The following ANKRD17 variants were observed in gnomAD, a reference collection of about 807,000 sequenced individuals.
The protein encoded by ANKRD17 is ankyrin repeat domain 17.
ANKRD17 carries 19 observed loss-of-function variants against 229.7 expected under a neutral mutation model. The observed-to-expected ratio is 0.08, with a 90% CI of 0.06 to 0.12. The LOEUF (loss-of-function observed/expected upper bound fraction) is 0.12, where lower values mean the gene tolerates loss of function less well. Among genes scored for constraint, ANKRD17 ranks in the 10% least tolerant of loss-of-function variants. The probability of loss-of-function intolerance (pLI) is 1.00; values close to 1 mark genes in which losing one functional copy is unlikely to be tolerated. For missense variants in ANKRD17, 2,176 were observed against 3,176.8 expected (o/e 0.68, Z 7.57); for synonymous variants, 1,112 against 1,146.1 (o/e 0.97, Z 0.60).
At chr4:73,121,911 G>T in intron 18 of ANKRD17, 152 bp from the exon 19 acceptor site, 1 of 706,006 alleles carries the variant, frequency 1.4e-6, no homozygotes, top group South Asian at 3.2e-5. Context: ...TCTAATGATA[G>T]CAGGAGGTCT....
chr4:73,073,446 G>A lies in ANKRD17; in HGVS notation c.*2785C>T, dbSNP rs1349655708. ...TTATAACTTTGAGTTTTCCTGTTTA[G>A]TCTAACACTGTACTGTTTTAAAAAT... On this transcript the variant is annotated 3_prime_UTR_variant, in exon 34 of 34. Coordinates refer to ENST00000358602, the MANE Select transcript of ANKRD17 (RefSeq NM_032217.5). 2.0e-5 allele frequency: 3 copies of A among 152,000 alleles called. No homozygotes were observed. Among genetic ancestry groups the A allele is most frequent in the Non-Finnish European group, 4.4e-5 (3 of 67,928 alleles). The allele number at this position is 152,000 out of a possible 1,614,324, so 9.4% of individuals were successfully genotyped here. A position where few individuals can be genotyped will look rare whatever the true frequency, so the allele number is the denominator to read the frequency against.
At chr4:73,250,225 A>G (rs1485741906) in intron 1 of ANKRD17, among the ~76,000 whole-genome samples, 2 of 152,146 alleles carry the variant, frequency 1.3e-5, no homozygotes, top group Admixed American at 1.3e-4. Context: ...TTTTCAATTT[A>G]TTCCCAATAA....
chr4:73,097,035 T>G (rs573811573), intron 27 of ANKRD17, 82 bp downstream of exon 27: 5 of 1,463,600 alleles, frequency 3.4e-6, no homozygotes, highest in Middle Eastern at 1.8e-4. Flanking sequence ...TTTAGAAGAG[T>G]AGGAGGAATT....
intron 29 of ANKRD17, among the ~76,000 whole-genome samples, chr4:73,088,009 GGA>G (rs1722380837): frequency 6.6e-6 from 1 of 151,786 alleles, no homozygotes; most frequent in Non-Finnish European, 1.5e-5. Flanking sequence ...GGGGAGTGAG[GGA>G]GAGAGTTTGA....
At chr4:73,078,342 A>G (rs1465299791) in intron 31 of ANKRD17, among the ~76,000 whole-genome samples, 1 of 151,916 alleles carries the variant, frequency 6.6e-6, no homozygotes, top group Non-Finnish European at 1.5e-5. Flanking sequence ...GTGCCGCTGC[A>G]GTCCGGCCTG....
chr4:73,114,592 T>C (rs747843969), intron 23 of ANKRD17, among the ~76,000 whole-genome samples: 6 of 152,014 alleles, frequency 3.9e-5, no homozygotes, highest in Non-Finnish European at 8.8e-5. Flanking sequence ...CCCAAGTACA[T>C]GAGACTAATG....
intron 26 of ANKRD17, among the ~76,000 whole-genome samples, chr4:73,097,653 GGTGTT>G (rs768369154): frequency 5.9e-5 from 9 of 151,954 alleles, no homozygotes; most frequent in Non-Finnish European, 8.8e-5. Flanking sequence ...TGTCCAGGCT[GGTGTT>G]GAACTCCTGG....
rs113785427 is a variant in ANKRD17 at position 73,091,173 on chromosome 4, G to A, written c.6455C>T (p.Thr2152Ile). The A allele has an allele frequency of 1.2e-6, 2 of 1,614,202 alleles. No homozygotes were observed. The highest frequency in any genetic ancestry group is 2.2e-5 in the South Asian group (2 of 91,086). Residue 2152 changes from threonine (T) to isoleucine (I), a missense_variant, in exon 29 of 34, where the codon ACT (threonine) becomes ATT (isoleucine). Coordinates refer to ENST00000358602, the MANE Select transcript of ANKRD17 (RefSeq NM_032217.5). ...TSSAPVAVPS[T>I]APVTYPMPQT... The stretch of plus-strand genomic sequence containing the variant: ...AGGCATAGGGTAAGTCACTGGGGCA[G>A]TAGAAGGCACCGCCACTGGAGCAGA...
chr4:73,108,010 A>G (rs1162662539), intron 24 of ANKRD17, among the ~76,000 whole-genome samples: 1 of 152,158 alleles, frequency 6.6e-6, no homozygotes, highest in African/African-American at 2.4e-5. Context: ...TTATATATCT[A>G]TATTTTGAGA....
intron 10 of ANKRD17, among the ~76,000 whole-genome samples, chr4:73,145,873 A>C (rs1730210340): frequency 6.6e-6 from 1 of 152,190 alleles, no homozygotes; most frequent in Admixed American, 6.6e-5. Flanking sequence ...ATTATAAATT[A>C]TTAAGTTTAT....
Position 73,258,697 on chromosome 4 carries a change from G to T in ANKRD17, c.-29C>A, listed in dbSNP as rs1006049853. ...CAGGGAAAGAGGGAGGGCGCGGACGGGGGAGGGGCGTGGGGCTACGCTCTA... is the reference window on the plus strand; with the variant it reads ...CAGGGAAAGAGGGAGGGCGCGGACGTGGGAGGGGCGTGGGGCTACGCTCTA... On this transcript the variant is annotated 5_prime_UTR_variant, in exon 1 of 34. Transcript: ENST00000358602. The T allele has an allele frequency of 5.9e-5, 84 of 1,434,836 alleles. No homozygotes were observed. In the East Asian group the frequency reaches 2.3e-3, roughly 40 times the overall value. The allele number at this position is 1,434,836 out of a possible 1,614,324, so 88.9% of individuals were successfully genotyped here.
At chr4:73,175,437 G>A (rs917654350) in intron 2 of ANKRD17, among the ~76,000 whole-genome samples, 5 of 152,090 alleles carry the variant, frequency 3.3e-5, no homozygotes, top group African/African-American at 1.2e-4. Context: ...GGGACACAGA[G>A]CCAAACCATA....
chr4:73,133,930 T>C (rs1728573452), intron 16 of ANKRD17, among the ~76,000 whole-genome samples: 1 of 152,200 alleles, frequency 6.6e-6, no homozygotes, highest in Non-Finnish European at 1.5e-5. Context: ...AACAAAATGC[T>C]TAACCTCTCT....
chr4:73,181,315 A>G (rs1735514169), intron 1 of ANKRD17, among the ~76,000 whole-genome samples: 1 of 152,226 alleles, frequency 6.6e-6, no homozygotes, highest in African/African-American at 2.4e-5. Flanking sequence ...CTTGCTATGT[A>G]GGACCCTACT....
At position 73,078,818 on chromosome 4, in the gene ANKRD17, G is replaced by A; in HGVS notation, c.7232C>T (p.Ser2411Leu). ...CTGAGACACATTGCTGGGCTTTTCTGACCCTAACGGTACTGATGATGGGGC... is the reference window on the plus strand; with the variant it reads ...CTGAGACACATTGCTGGGCTTTTCTAACCCTAACGGTACTGATGATGGGGC... Reference protein sequence around the residue: ...SPAPSSVPLGSEKPSNVSQDR... With the variant: ...SPAPSSVPLGLEKPSNVSQDR... Residue 2411 changes from serine (S) to leucine (L), a missense_variant, in exon 31 of 34, where the codon TCA becomes TTA. This residue lies in a region of ANKRD17 where 87 missense variants were observed against 116.0 expected (regional missense o/e 0.75). Transcript: ENST00000358602. 6.2e-7 allele frequency: 1 copy of A among 1,614,122 alleles called. No individual in the cohort carries two copies. Among genetic ancestry groups the A allele is most frequent in the Non-Finnish European group, 8.5e-7 (1 of 1,180,014 alleles).
At chr4:73,134,562 G>A (rs540397113) in intron 16 of ANKRD17, among the ~76,000 whole-genome samples, 2 of 151,990 alleles carry the variant, frequency 1.3e-5, no homozygotes, top group African/African-American at 2.4e-5. Context: ...ACTTTCTAAA[G>A]CTTAACTTAA....
At chr4:73,181,029 G>A (rs182396260) in intron 1 of ANKRD17, among the ~76,000 whole-genome samples, 134 of 152,304 alleles carry the variant, frequency 8.8e-4, no homozygotes, top group African/African-American at 3.2e-3. Context: ...GTCAGAATCT[G>A]TAAAGAAGGT....
At chr4:73,181,902 G>T (rs1445731401) in intron 1 of ANKRD17, among the ~76,000 whole-genome samples, 2 of 150,656 alleles carry the variant, frequency 1.3e-5, no homozygotes, top group Admixed American at 6.6e-5. Flanking sequence ...ACAAAAATTA[G>T]CCAGGCATGG....
chr4:73,083,686 A>T (rs1206323570), intron 30 of ANKRD17, among the ~76,000 whole-genome samples: 1 of 152,156 alleles, frequency 6.6e-6, no homozygotes, highest in Non-Finnish European at 1.5e-5. Flanking sequence ...CACGCCTGTA[A>T]TTCCAGCACT....
Sources: allele counts gnomAD v4.1 joint callset (sites outside exome capture counted in the v4.1 genomes callset), GRCh38; gene constraint gnomAD v4.1.1; regional missense constraint gnomAD v4.1.1; transcripts MANE v1.5; gene names NCBI Gene and HGNC (gene_info 2026-07-23, HGNC 2026-07-21).